The following RSRC1 variants were observed in gnomAD, a reference collection of about 807,000 sequenced individuals.
RSRC1 encodes the protein arginine and serine rich coiled-coil 1.
Under a neutral mutation model 49.1 loss-of-function variants are expected in RSRC1, and 39 were observed. The observed-to-expected ratio is 0.79, with a 90% CI of 0.61 to 1.04. The LOEUF (loss-of-function observed/expected upper bound fraction) is 1.04, where lower values mean the gene tolerates loss of function less well. Ranked by LOEUF, RSRC1 falls within the 50% of genes least tolerant of loss-of-function variation. RSRC1 has a pLI of 0.00. For missense variants in RSRC1, 388 were observed against 402.4 expected (o/e 0.96, Z 0.31); for synonymous variants, 143 against 130.8 (o/e 1.09, Z -0.63).
At chr3:158,463,488 A>G (rs1737724491) in intron 7 of RSRC1, among the ~76,000 whole-genome samples, 1 of 152,126 alleles carries the variant, frequency 6.6e-6, no homozygotes, top group Non-Finnish European at 1.5e-5. Context: ...TTCAGTCTGT[A>G]AGCCACTAGT....
chr3:158,480,797 T>C (rs1197674588), intron 7 of RSRC1, among the ~76,000 whole-genome samples: 2 of 152,088 alleles, frequency 1.3e-5, no homozygotes, highest in African/African-American at 2.4e-5. Context: ...TTACAGAGCA[T>C]CACTGGCATG....
chr3:158,313,667 AT>A (rs1366846103), intron 5 of RSRC1, among the ~76,000 whole-genome samples: 5 of 152,262 alleles, frequency 3.3e-5, no homozygotes, highest in African/African-American at 1.2e-4. Flanking sequence ...CATGGCAAAA[AT>A]AAATGAAGTA....
rs543654319 is a variant in RSRC1 at position 158,329,680 on chromosome 3, G to T, written c.532-25177G>T. 9.5e-4 allele frequency among the ~76,000 whole-genome samples: 144 copies of T among 152,316 alleles called. 4 individuals are homozygous for T. Among genetic ancestry groups the T allele is most frequent in the Non-Finnish European group, 3.5e-4 (24 of 68,028 alleles). ...GTGCCTCCCAGTTAGGCTACTCGGG[G>T]ATCAGGGACCCACTTGAGACAGTCT... On this transcript the variant is annotated intron_variant, in intron 5 of 9. Transcript: ENST00000611884.
intron 4 of RSRC1, among the ~76,000 whole-genome samples, chr3:158,204,285 C>A (rs1263773484): frequency 6.6e-6 from 1 of 152,132 alleles, no homozygotes; most frequent in African/African-American, 2.4e-5. Flanking sequence ...TATAAATCTG[C>A]CTAGATTGTT....
chr3:158,120,757 A>G (rs1257755197), intron 1 of RSRC1, among the ~76,000 whole-genome samples: 1 of 149,310 alleles, frequency 6.7e-6, no homozygotes, highest in Non-Finnish European at 1.5e-5. Flanking sequence ...CCAACATAAT[A>G]CTTTGTTTAT....
intron 7 of RSRC1, among the ~76,000 whole-genome samples, chr3:158,475,109 A>G (rs114658459): frequency 0.011 from 1,639 of 152,022 alleles, 9 homozygotes; most frequent in South Asian, 0.018. Flanking sequence ...TTTTTTGTAG[A>G]CATGAGGTCT....
At chr3:158,441,459 T>TC (rs2108374312) in intron 6 of RSRC1, among the ~76,000 whole-genome samples, 1 of 152,110 alleles carries the variant, frequency 6.6e-6, no homozygotes, top group African/African-American at 2.4e-5. Flanking sequence ...GTTTTTTTTT[T>TC]ATTTTTGGAG....
chr3:158,499,625 T>C (rs2108458689), intron 7 of RSRC1, among the ~76,000 whole-genome samples: 1 of 152,302 alleles, frequency 6.6e-6, no homozygotes, highest in Non-Finnish European at 1.5e-5. Context: ...CCTAAGTATT[T>C]TATTTATTTT....
intron 7 of RSRC1, among the ~76,000 whole-genome samples, chr3:158,507,563 G>A (rs1022182574): frequency 1.3e-5 from 2 of 152,036 alleles, no homozygotes; most frequent in African/African-American, 4.8e-5. Context: ...GGTTTTTATA[G>A]GTGATATTAT....
intron 4 of RSRC1, among the ~76,000 whole-genome samples, chr3:158,230,477 A>G (rs1452146938): frequency 6.6e-6 from 1 of 152,098 alleles, no homozygotes; most frequent in Non-Finnish European, 1.5e-5. Context: ...CTTCTTCCTC[A>G]TTTGGGAAAC....
chr3:158,472,100 T>G (rs1488980099), intron 7 of RSRC1, among the ~76,000 whole-genome samples: 3 of 152,142 alleles, frequency 2.0e-5, no homozygotes, highest in Non-Finnish European at 4.4e-5. Context: ...TTATTATATT[T>G]AATTATACCC....
chr3:158,456,442 AGATACAT>A (rs1737320824), intron 6 of RSRC1, among the ~76,000 whole-genome samples: 2 of 152,152 alleles, frequency 1.3e-5, no homozygotes, highest in African/African-American at 4.8e-5. Flanking sequence ...GTCTGGCTAA[AGATACAT>A]GAAGTAAACA....
intron 7 of RSRC1, among the ~76,000 whole-genome samples, chr3:158,536,469 T>G (rs545770205): frequency 4.0e-5 from 6 of 151,542 alleles, no homozygotes; most frequent in Admixed American, 4.0e-4. Context: ...AAACCAACTA[T>G]AAAAAGACTT....
At chr3:158,495,095 A>G (rs1739260610) in intron 7 of RSRC1, among the ~76,000 whole-genome samples, 1 of 152,158 alleles carries the variant, frequency 6.6e-6, no homozygotes, top group Non-Finnish European at 1.5e-5. Context: ...CCACAATGTT[A>G]GGGTAGCTAT....
At chr3:158,423,089 C>T (rs1036751686) in intron 6 of RSRC1, among the ~76,000 whole-genome samples, 4 of 151,934 alleles carry the variant, frequency 2.6e-5, no homozygotes, top group Non-Finnish European at 5.9e-5. Flanking sequence ...AATGAGATCC[C>T]ATTTGTCAAT....
At chr3:158,263,743 GTTC>G (rs1298546058) in intron 4 of RSRC1, among the ~76,000 whole-genome samples, 1 of 152,136 alleles carries the variant, frequency 6.6e-6, no homozygotes, top group African/African-American at 2.4e-5. Flanking sequence ...GCTTACAAAA[GTTC>G]TTCTTGAGTG....
chr3:158,424,288 AG>A (rs1262282390), intron 6 of RSRC1, among the ~76,000 whole-genome samples: 10 of 151,660 alleles, frequency 6.6e-5, no homozygotes, highest in East Asian at 1.9e-4. Context: ...TTTAGCATGA[AG>A]GGTTGTTGAA....
chr3:158,297,483 A>G (rs186042569), intron 4 of RSRC1, among the ~76,000 whole-genome samples: 55 of 152,080 alleles, frequency 3.6e-4, no homozygotes, highest in African/African-American at 1.3e-3. Context: ...TGTAGTGTGC[A>G]TTAAATTCAT....
intron 6 of RSRC1, among the ~76,000 whole-genome samples, chr3:158,363,425 A>G (rs1259442482): frequency 1.3e-5 from 2 of 151,948 alleles, no homozygotes; most frequent in Non-Finnish European, 2.9e-5. Flanking sequence ...CACCACACCC[A>G]GCTAATTTTT....
Sources: gnomAD v4.1 joint callset for allele counts (sites outside exome capture counted in the v4.1 genomes callset) on GRCh38, gnomAD v4.1.1 for gene constraint, MANE v1.5 for transcripts, NCBI Gene and HGNC (gene_info 2026-07-23, HGNC 2026-07-21) for gene names.